KLHL3: variants seen among roughly 807,000 people sequenced by gnomAD.
The protein encoded by KLHL3 is kelch-like protein 3.
Under a neutral mutation model 70.5 loss-of-function variants are expected in KLHL3, and 19 were observed. The observed-to-expected ratio is 0.27, with a 90% CI of 0.19 to 0.40. The LOEUF (loss-of-function observed/expected upper bound fraction) is 0.40, where lower values mean the gene tolerates loss of function less well. Ranked by LOEUF, KLHL3 falls within the 10% of genes least tolerant of loss-of-function variation. KLHL3 has a pLI of 1.00. For missense variants in KLHL3, 512 were observed against 771.1 expected (o/e 0.66, Z 3.98); for synonymous variants, 258 against 290.3 (o/e 0.89, Z 1.13).
chr5:137,628,456 C>T lies in KLHL3; in HGVS notation c.1451-19G>A. 3.7e-6 allele frequency: 6 copies of T among 1,613,810 alleles called. No homozygotes were observed. Among genetic ancestry groups the T allele is most frequent in the Non-Finnish European group, 5.1e-6 (6 of 1,179,838 alleles). ...CCAACCCCTGAAAGGCAGAGCACAG[C>T]ATCCCAGCCTCATGCTGACTACAGT... On this transcript the variant is annotated intron_variant, in intron 12 of 14. Transcript: ENST00000309755.
intron 5 of KLHL3, among the ~76,000 whole-genome samples, chr5:137,682,290 T>C (rs1471031694): frequency 6.6e-6 from 1 of 151,764 alleles, no homozygotes; most frequent in Non-Finnish European, 1.5e-5. Context: ...TAACAAATAT[T>C]CTGATGAGTA....
At chr5:137,725,918 A>T (rs1435702821) in intron 1 of KLHL3, among the ~76,000 whole-genome samples, 8 of 152,176 alleles carry the variant, frequency 5.3e-5, no homozygotes, top group Non-Finnish European at 1.2e-4. Context: ...GAAGACATAC[A>T]TGTGAGACAG....
chr5:137,672,987 G>A (rs1244500919), intron 6 of KLHL3: 1 of 152,246 alleles, frequency 6.6e-6, no homozygotes, highest in African/African-American at 2.4e-5. Flanking sequence ...GTAGTGGAGT[G>A]TATGATAGAT....
At position 137,627,474 on chromosome 5, in the gene KLHL3, A is replaced by ACCCCCCCC. The variant is rs1215063936; in HGVS notation, c.1591+822_1591+823insGGGGGGGG. On this transcript the variant is annotated intron_variant, in intron 13 of 14. Coordinates refer to ENST00000309755, the MANE Select transcript of KLHL3 (RefSeq NM_017415.3). ...GGCAATGAGTAAATTAGTAAATATC[A>ACCCCCCCC]CCACCCCCCCCCCCGGTTTACACTT... is the stretch of plus-strand genomic sequence containing the variant. Among the ~76,000 whole-genome samples, 34 of 53,098 alleles carry ACCCCCCCC rather than the reference A, an allele frequency of 6.4e-4. 11 individuals carry two copies. The highest frequency in any genetic ancestry group is 1.1e-3 in the Non-Finnish European group (25 of 22,952). The allele number at this position is 53,098 out of a possible 152,430, so 34.8% of individuals were successfully genotyped here. A position where few individuals can be genotyped will look rare whatever the true frequency, so the allele number is the denominator to read the frequency against.
At chr5:137,716,219 T>C (rs1752889640) in intron 2 of KLHL3, among the ~76,000 whole-genome samples, 1 of 139,032 alleles carries the variant, frequency 7.2e-6, no homozygotes, top group South Asian at 2.2e-4. Context: ...CGTAAATTTC[T>C]TTTTTTTTTT....
At chr5:137,719,054 T>C (rs1041247719) in intron 2 of KLHL3, among the ~76,000 whole-genome samples, 26 of 152,210 alleles carry the variant, frequency 1.7e-4, no homozygotes, top group Admixed American at 1.4e-3. Context: ...CTACCCTTCA[T>C]TTCTCTAACT....
intron 5 of KLHL3, among the ~76,000 whole-genome samples, chr5:137,680,546 CTT>C (rs1170112144): frequency 1.9e-4 from 26 of 140,316 alleles, no homozygotes; most frequent in Non-Finnish European, 2.4e-4. Context: ...AACACTTTTT[CTT>C]TTTTTTTTTT....
chr5:137,732,646 A>G (rs766829525), intron 1 of KLHL3, among the ~76,000 whole-genome samples: 9 of 152,098 alleles, frequency 5.9e-5, no homozygotes, highest in Non-Finnish European at 1.2e-4. Flanking sequence ...TGATAAAAAA[A>G]GAGAGGTCCT....
Position 137,620,108 on chromosome 5 carries a change from T to A in KLHL3, c.*1990A>T, listed in dbSNP as rs1252545376. On this transcript the variant is annotated 3_prime_UTR_variant, in exon 15 of 15. Coordinates refer to ENST00000309755, the MANE Select transcript of KLHL3 (RefSeq NM_017415.3). ...AGGTAGAGTTATGAAGCCACAGTCA[T>A]CCCCACTTCATAGTGAGACCAGAGC... The A allele has an allele frequency of 6.6e-6, 1 of 152,132 alleles. No homozygotes were observed. The highest frequency in any genetic ancestry group is 1.5e-5 in the Non-Finnish European group (1 of 68,024). The allele number at this position is 152,132 out of a possible 1,614,324, so 9.4% of individuals were successfully genotyped here. A position where few individuals can be genotyped will look rare whatever the true frequency, so the allele number is the denominator to read the frequency against.
chr5:137,639,953 C>G lies in KLHL3; in HGVS notation c.928G>C (p.Ala310Pro). ...TCCACACTGCGGATTGCCTTGGGTG[C>G]CTGGCCGCCAACCACAATCATGACC... ...PKVMIVVGGQ[A>P]PKAIRSVECY... Residue 310 changes from alanine (A) to proline (P), a missense_variant, in exon 9 of 15, where the codon GCA becomes CCA. Coordinates refer to ENST00000309755, the MANE Select transcript of KLHL3 (RefSeq NM_017415.3). This position sits in a 1 kb window ranked among gnomAD's most constrained non-coding sequence, Gnocchi z 5.0. 6.2e-7 allele frequency: 1 copy of G among 1,614,162 alleles called. No individual in the cohort carries two copies. The highest frequency in any genetic ancestry group is 8.5e-7 in the Non-Finnish European group (1 of 1,180,028).
chr5:137,645,827 C>G (rs1751030486), intron 8 of KLHL3, among the ~76,000 whole-genome samples: 1 of 151,942 alleles, frequency 6.6e-6, no homozygotes, highest in African/African-American at 2.4e-5. Context: ...ATGGGAATAG[C>G]CAAACAATCT....
intron 5 of KLHL3, among the ~76,000 whole-genome samples, chr5:137,682,861 C>T (rs1482952801): frequency 3.9e-5 from 6 of 152,228 alleles, no homozygotes; most frequent in Admixed American, 3.9e-4. Context: ...GGCAACCTCT[C>T]AAGCTAGCCC....
chr5:137,658,168 G>A lies in KLHL3; in HGVS notation c.866C>T (p.Pro289Leu), dbSNP rs773712637. 1 of 1,613,912 alleles carries A rather than the reference G, an allele frequency of 6.2e-7. No individual in the cohort carries two copies. The highest frequency in any genetic ancestry group is 8.5e-7 in the Non-Finnish European group (1 of 1,179,972). ...GACTGGAGTCCTGGGCTTGGTCCTTGGGTTCTTAATCAATAGTCTCTGATC... is the reference window on the plus strand; with the variant it reads ...GACTGGAGTCCTGGGCTTGGTCCTTAGGTTCTTAATCAATAGTCTCTGATC... Reference protein sequence around the residue: ...PLDQRLLIKNPRTKPRTPVSL... With the variant: ...PLDQRLLIKNLRTKPRTPVSL... The change falls in exon 8 of 15, where the codon CCA becomes CTA. Residue 289 changes from proline to leucine, a missense_variant. Physicochemically the swap from Pro to Leu is moderately conservative, Grantham distance 98. Coordinates refer to ENST00000309755, the MANE Select transcript of KLHL3 (RefSeq NM_017415.3).
In KLHL3 at chr5:137,692,362, G is replaced by A. The variant is rs1333696863; in HGVS notation, c.449C>T (p.Thr150Ile). 2 of 1,613,802 alleles carry A rather than the reference G, an allele frequency of 1.2e-6. No individual in the cohort carries two copies. Among genetic ancestry groups the A allele is most frequent in the East Asian group, 2.2e-5 (1 of 44,890 alleles). The change falls in exon 5 of 15, where the codon ACC becomes ATC. Residue 150 changes from threonine to isoleucine, a missense_variant. Physicochemically the swap from Thr to Ile is moderately conservative, Grantham distance 89. Transcript: ENST00000309755. ...AAATGCACGGATGCCCAGGCAATTG[G>A]TGGGATGCAACTGAGACTGCAGGAA... ...CDFLQSQLHP[T>I]NCLGIRAFAD...
rs979890977 is a variant in KLHL3, at chr5:137,627,481, C to A, written c.1591+816G>T. On this transcript the variant is annotated intron_variant, in intron 13 of 14. Coordinates refer to ENST00000309755, the MANE Select transcript of KLHL3 (RefSeq NM_017415.3). ...AGTAAATTAGTAAATATCACCACCC[C>A]CCCCCCCGGTTTACACTTCCAAGTC... is the stretch of plus-strand genomic sequence containing the variant. Among the ~76,000 whole-genome samples the A allele has an allele frequency of 3.2e-5, 4 of 123,534 alleles. 2 individuals carry two copies. The highest frequency in any genetic ancestry group is 5.5e-5 in the African/African-American group (2 of 36,116). The allele number at this position is 123,534 out of a possible 152,430, so 81.0% of individuals were successfully genotyped here.
intron 2 of KLHL3, among the ~76,000 whole-genome samples, chr5:137,714,846 G>C (rs1752863963): frequency 3.3e-5 from 5 of 152,070 alleles, no homozygotes; most frequent in Non-Finnish European, 7.4e-5. Context: ...TGCTAAGATG[G>C]TTCATAACAA....
intron 6 of KLHL3, among the ~76,000 whole-genome samples, chr5:137,666,496 G>C (rs1395902026): frequency 1.3e-5 from 2 of 152,188 alleles, no homozygotes; most frequent in African/African-American, 4.8e-5. Context: ...GCTGAAGAAT[G>C]AACTACAAGT....
intron 4 of KLHL3, among the ~76,000 whole-genome samples, chr5:137,696,388 C>T (rs889642064): frequency 6.6e-6 from 1 of 152,188 alleles, no homozygotes; most frequent in East Asian, 1.9e-4. Flanking sequence ...TGTGATTAAG[C>T]GTCATTTTGA....
chr5:137,639,131 G>T lies in KLHL3; in HGVS notation c.1041C>A (p.Gly347=). 3.1e-6 allele frequency: 5 copies of T among 1,611,906 alleles called. No individual in the cohort carries two copies. The highest frequency in any genetic ancestry group is 2.2e-5 in the East Asian group (1 of 44,778). Residue 347 remains glycine (G), a synonymous_variant, in exon 10 of 15, where the codon GGC becomes GGA. Coordinates refer to ENST00000309755, the MANE Select transcript of KLHL3 (RefSeq NM_017415.3). The surrounding 1 kb of genome is among the most constrained non-coding windows in gnomAD (Gnocchi z 5.0). The stretch of plus-strand genomic sequence containing the variant: ...TAAACCCTCCCACGGCATACACGTG[G>T]CCAGCCATGAACACCACACCTGAGG... ...RCRAGVVFMA[G]HVYAVGGFNG... is the part of the protein sequence containing the mutation.
Sources: gnomAD v4.1 joint callset for allele counts (sites outside exome capture counted in the v4.1 genomes callset) on GRCh38, gnomAD v4.1.1 for gene constraint, Gnocchi (gnomAD v3.1) non-coding constraint, MANE v1.5 for transcripts, NCBI Gene and HGNC (gene_info 2026-07-23, HGNC 2026-07-21) for gene names.